Variants in DLGAP1 observed in about 807,000 individuals in gnomAD.
The protein encoded by DLGAP1 is DLG associated protein 1.
Under a neutral mutation model 90.8 loss-of-function variants are expected in DLGAP1, and 11 were observed. The ratio of observed to expected loss-of-function variants is 0.12; its 90% confidence interval spans 0.08 to 0.20. DLGAP1 has a LOEUF of 0.20. DLGAP1 is among the 10% of genes least tolerant of loss of function. The pLI is 1.00. For synonymous variants in DLGAP1, 558 were observed against 540.7 expected (o/e 1.03, Z -0.44); for missense variants, 1,050 against 1,333.8 (o/e 0.79, Z 3.31).
At chr18:4,143,875 G>T (rs1435574113) in intron 2 of DLGAP1, among the ~76,000 whole-genome samples, 1 of 152,098 alleles carries the variant, frequency 6.6e-6, no homozygotes, top group Non-Finnish European at 1.5e-5. Flanking sequence ...CAAGGCAGTG[G>T]GTTCCTTTCT....
chr18:4,081,774 A>C (rs775492764), intron 2 of DLGAP1, among the ~76,000 whole-genome samples: 18 of 152,212 alleles, frequency 1.2e-4, no homozygotes, highest in Non-Finnish European at 2.1e-4. Flanking sequence ...ATCATTTAGC[A>C]GCTGTTGTCT....
At chr18:4,445,013 T>A (rs1567929269) in intron 1 of DLGAP1, among the ~76,000 whole-genome samples, 1 of 152,254 alleles carries the variant, frequency 6.6e-6, no homozygotes, top group African/African-American at 2.4e-5. Context: ...CAGAAGCAAC[T>A]ACTAGTATCA....
At chr18:4,178,522 C>T (rs2077156100) in intron 1 of DLGAP1, among the ~76,000 whole-genome samples, 1 of 152,092 alleles carries the variant, frequency 6.6e-6, no homozygotes, top group Non-Finnish European at 1.5e-5. Context: ...CTCATAGTGA[C>T]TAGTATGGTG....
At chr18:4,230,938 AAAAC>A (rs758560031) in intron 1 of DLGAP1, among the ~76,000 whole-genome samples, 29 of 152,018 alleles carry the variant, frequency 1.9e-4, no homozygotes, top group African/African-American at 3.6e-4. Flanking sequence ...AATTTGAAAT[AAAAC>A]AAACAAACAA....
At chr18:3,828,689 TA>T (rs1033519566) in intron 4 of DLGAP1, among the ~76,000 whole-genome samples, 14 of 140,604 alleles carry the variant, frequency 1.0e-4, no homozygotes, top group African/African-American at 2.6e-4. Flanking sequence ...ACAAAACCTT[TA>T]AAAAAAAAAC....
At chr18:4,045,392 G>C (rs12969187) in intron 2 of DLGAP1, among the ~76,000 whole-genome samples, 40,430 of 126,722 alleles carry the variant, frequency 0.32, 6,390 homozygotes, top group Middle Eastern at 0.39. Flanking sequence ...CTTGGAAATA[G>C]AGATCACAGC....
At chr18:4,354,323 G>A (rs1598267916) in intron 1 of DLGAP1, among the ~76,000 whole-genome samples, 1 of 152,246 alleles carries the variant, frequency 6.6e-6, no homozygotes, top group East Asian at 1.9e-4. Flanking sequence ...TGTGGAAGAT[G>A]GTCATAGAGA....
chr18:4,257,894 G>C (rs993011271), intron 1 of DLGAP1, among the ~76,000 whole-genome samples: 14 of 150,916 alleles, frequency 9.3e-5, no homozygotes, highest in African/African-American at 3.4e-4. Context: ...CAAAGTGCTG[G>C]GATTACAGGC....
chr18:3,647,287 TG>T (rs2059156174), intron 7 of DLGAP1, among the ~76,000 whole-genome samples: 1 of 144,850 alleles, frequency 6.9e-6, no homozygotes. Context: ...AAAATATACA[TG>T]TCTATATATA....
At chr18:3,551,176 TACAC>T (rs946800052) in intron 9 of DLGAP1, among the ~76,000 whole-genome samples, 2 of 4,126 alleles carry the variant, frequency 4.8e-4, no homozygotes, top group African/African-American at 6.5e-4. Context: ...TATATATATA[TACAC>T]ATACATATAA....
chr18:3,952,151 C>T (rs76371870), intron 3 of DLGAP1, among the ~76,000 whole-genome samples: 2,620 of 152,222 alleles, frequency 0.017, 62 homozygotes, highest in African/African-American at 0.06. Context: ...TAAAACTATG[C>T]GTAGGAGCAT....
Position 3,775,260 on chromosome 18 carries a change from T to C in DLGAP1, c.1173-32748A>G, listed in dbSNP as rs146618974. ...CTTCCATTCCCCTGTGTTATGCACATCGATATGGTTTGGCTTTGTGTCCCC... is the reference window on the plus strand; with the variant it reads ...CTTCCATTCCCCTGTGTTATGCACACCGATATGGTTTGGCTTTGTGTCCCC... On this transcript the variant is annotated intron_variant, in intron 5 of 12. Coordinates refer to ENST00000315677, the MANE Select transcript of DLGAP1 (RefSeq NM_004746.4). The surrounding 1 kb of genome is among the most constrained non-coding windows in gnomAD (Gnocchi z 4.9). 7.8e-4 allele frequency among the ~76,000 whole-genome samples: 119 copies of C among 152,324 alleles called. 1 individual carries two copies. The highest frequency in any genetic ancestry group is 2.8e-3 in the African/African-American group (117 of 41,574).
At chr18:4,136,984 T>G (rs1225397400) in intron 2 of DLGAP1, among the ~76,000 whole-genome samples, 1 of 152,214 alleles carries the variant, frequency 6.6e-6, no homozygotes, top group Non-Finnish European at 1.5e-5. Context: ...TGTGCCATGT[T>G]GGTGTGCTGC....
intron 1 of DLGAP1, among the ~76,000 whole-genome samples, chr18:4,382,040 G>C (rs894797012): frequency 6.6e-6 from 1 of 152,108 alleles, no homozygotes; most frequent in African/African-American, 2.4e-5. Flanking sequence ...GCACGGGAAA[G>C]ACTTGCCCCC....
chr18:4,052,767 G>A lies in DLGAP1; in HGVS notation c.-158-47566C>T, dbSNP rs188007462. 9.2e-5 allele frequency among the ~76,000 whole-genome samples: 14 copies of A among 152,120 alleles called. No homozygotes were observed. In the East Asian group the frequency reaches 1.2e-3, roughly 13 times the overall value. ...AAACTTTTATGCTCTGCTTCTTCTT[G>A]AAGGCTTTGCCACTTAGAAGTTTCT... On this transcript the variant is annotated intron_variant, in intron 2 of 12. Coordinates refer to ENST00000315677, the MANE Select transcript of DLGAP1 (RefSeq NM_004746.4).
At chr18:4,120,939 C>G (rs1207376653) in intron 2 of DLGAP1, among the ~76,000 whole-genome samples, 4 of 152,224 alleles carry the variant, frequency 2.6e-5, no homozygotes, top group African/African-American at 9.6e-5. Context: ...AAGGTAGACA[C>G]AGACCCTGTT....
chr18:3,923,606 TAA>T (rs1402889973), intron 3 of DLGAP1, among the ~76,000 whole-genome samples: 1 of 152,216 alleles, frequency 6.6e-6, no homozygotes. Flanking sequence ...ATCGTGTTTA[TAA>T]AAGTTTTCCC....
Position 4,235,664 on chromosome 18 carries a change from C to G in DLGAP1, c.-266-84377G>C, listed in dbSNP as rs116117711. Among the ~76,000 whole-genome samples, 874 of 151,258 alleles carry G rather than the reference C, an allele frequency of 5.8e-3. 8 individuals are homozygous for G. The highest frequency in any genetic ancestry group is 0.02 in the African/African-American group (836 of 41,096). ...AGTGTTTTGAGAAATAAAAGATAAACCCAAGTTATGTCTGTCAACATGGTT... is the reference window on the plus strand; with the variant it reads ...AGTGTTTTGAGAAATAAAAGATAAAGCCAAGTTATGTCTGTCAACATGGTT... On this transcript the variant is annotated intron_variant, in intron 1 of 12. Coordinates refer to ENST00000315677, the MANE Select transcript of DLGAP1 (RefSeq NM_004746.4).
chr18:3,553,954 TC>T (rs1460801447), intron 9 of DLGAP1, among the ~76,000 whole-genome samples: 1 of 152,196 alleles, frequency 6.6e-6, no homozygotes, highest in Admixed American at 6.6e-5. Flanking sequence ...ACAGTAATAT[TC>T]TTCCTCTTTG....
Sources: gnomAD v4.1 joint callset for allele counts (sites outside exome capture counted in the v4.1 genomes callset) on GRCh38, gnomAD v4.1.1 for gene constraint, Gnocchi (gnomAD v3.1) non-coding constraint, MANE v1.5 for transcripts, NCBI Gene and HGNC (gene_info 2026-07-23, HGNC 2026-07-21) for gene names.